ANXA8: variants seen among roughly 807,000 people sequenced by gnomAD.
The protein encoded by ANXA8 is VAC-beta.
In ANXA8, 9 loss-of-function variants were observed where a neutral mutation model predicts 26.8. The ratio of observed to expected loss-of-function variants is 0.34; its 90% CI spans 0.20 to 0.59. ANXA8 has a LOEUF of 0.59. Among genes scored for constraint, ANXA8 ranks in the 20% least tolerant of loss-of-function variants. The pLI is 0.84. For synonymous variants in ANXA8, 39 were observed against 94.8 expected (o/e 0.41, Z 3.42); for missense variants, 83 against 238.5 (o/e 0.35, Z 4.29).
At chr10:47,944,675 C>T in the ANXA8 span, among the ~76,000 whole-genome samples, 1 of 150,702 alleles carries the variant, frequency 6.6e-6, no homozygotes, top group Non-Finnish European at 1.5e-5. Flanking sequence ...TGCACATGCT[C>T]TCTTTTGCCT....
the ANXA8 span, among the ~76,000 whole-genome samples, chr10:47,743,399 T>A: frequency 5.4e-3 from 563 of 104,874 alleles, no homozygotes; most frequent in African/African-American, 0.016. Flanking sequence ...TGTGTGTGTG[T>A]GTGTGTGAGA....
chr10:47,729,304 G>A, the ANXA8 span, among the ~76,000 whole-genome samples: 1 of 134,810 alleles, frequency 7.4e-6, no homozygotes, highest in Admixed American at 7.8e-5. Flanking sequence ...AAAAGTTATT[G>A]TAGAGAATTA....
At chr10:47,485,155 G>A (rs1159033887), upstream of ANXA8, among the ~76,000 whole-genome samples, 2 of 152,002 alleles carry the variant, frequency 1.3e-5, no homozygotes, top group African/African-American at 4.8e-5. Flanking sequence ...CATATTGTAC[G>A]CCAAACCTAA....
At chr10:47,517,395 C>T in the ANXA8 span, among the ~76,000 whole-genome samples, 1 of 119,132 alleles carries the variant, frequency 8.4e-6, no homozygotes, top group East Asian at 3.3e-4. Flanking sequence ...GCCTCAGCCT[C>T]CTGACTAGCT....
the ANXA8 span, among the ~76,000 whole-genome samples, chr10:47,739,027 G>T: frequency 6.7e-6 from 1 of 150,310 alleles, no homozygotes; most frequent in Non-Finnish European, 1.5e-5. Context: ...CTCTTCTCCA[G>T]AGCATGTCCA....
the ANXA8 span, chr10:47,987,031 G>A: frequency 1.8e-6 from 1 of 541,466 alleles, no homozygotes; most frequent in Non-Finnish European, 3.6e-6. Flanking sequence ...GGGCCGTCCG[G>A]GGAGCACAGG....
chr10:47,552,717 G>C, the ANXA8 span, among the ~76,000 whole-genome samples: 153 of 152,012 alleles, frequency 1.0e-3, 1 homozygote, highest in African/African-American at 3.4e-3. Context: ...ATATCGGGCT[G>C]CATAAAATCT....
At chr10:47,573,369 CA>C in the ANXA8 span, among the ~76,000 whole-genome samples, 12 of 149,498 alleles carry the variant, frequency 8.0e-5, no homozygotes, top group African/African-American at 2.3e-4. Flanking sequence ...GGGCTCGAGC[CA>C]TCCTCCTGCC....
At chr10:47,659,934 T>G in the ANXA8 span, among the ~76,000 whole-genome samples, 1 of 150,382 alleles carries the variant, frequency 6.6e-6, no homozygotes, top group African/African-American at 2.5e-5. Flanking sequence ...TTTTTCTATT[T>G]TTAGTAGAGA....
chr10:47,727,585 C>T, the ANXA8 span, among the ~76,000 whole-genome samples: 1 of 137,144 alleles, frequency 7.3e-6, no homozygotes, highest in African/African-American at 2.6e-5. Context: ...TGGAAACAGG[C>T]ATGCCTCTTC....
chr10:47,533,224 C>CAGA, the ANXA8 span, among the ~76,000 whole-genome samples: 1 of 133,088 alleles, frequency 7.5e-6, no homozygotes, highest in Non-Finnish European at 1.6e-5. Flanking sequence ...CACACACACA[C>CAGA]CCCCGCAGAC....
At chr10:47,949,473 C>T in the ANXA8 span, among the ~76,000 whole-genome samples, 282 of 149,848 alleles carry the variant, frequency 1.9e-3, 1 homozygote, top group African/African-American at 6.6e-3. Flanking sequence ...GGATGAAAAA[C>T]ACTTAATGGT....
At chr10:47,735,333 G>T in the ANXA8 span, among the ~76,000 whole-genome samples, 13 of 144,664 alleles carry the variant, frequency 9.0e-5, no homozygotes, top group African/African-American at 1.8e-4. Context: ...GGGCTCAACC[G>T]ACCCTCTTGC....
the ANXA8 span, chr10:47,690,924 T>C: frequency 6.2e-7 from 1 of 1,611,214 alleles, no homozygotes; most frequent in Non-Finnish European, 8.5e-7. Context: ...AGTTGATTTC[T>C]AATGGAGGAG....
chr10:47,679,547 C>T, the ANXA8 span, among the ~76,000 whole-genome samples: 1 of 151,892 alleles, frequency 6.6e-6, no homozygotes, highest in African/African-American at 2.4e-5. Context: ...CTCACGAGGT[C>T]AAGGCTGCGG....
chr10:47,743,263 T>TATATATATATACAC, the ANXA8 span, among the ~76,000 whole-genome samples: 1 of 116,254 alleles, frequency 8.6e-6, no homozygotes, highest in East Asian at 2.5e-4. Flanking sequence ...TATATATATA[T>TATATATATATACAC]ACATATATAT....
chr10:47,653,577 C>T, the ANXA8 span, among the ~76,000 whole-genome samples: 14 of 150,382 alleles, frequency 9.3e-5, no homozygotes, highest in Non-Finnish European at 1.6e-4. Context: ...AATGGGGTTT[C>T]CAAGTGGAGA....
At chr10:47,937,841 G>A in the ANXA8 span, among the ~76,000 whole-genome samples, 2 of 146,854 alleles carry the variant, frequency 1.4e-5, no homozygotes, top group East Asian at 4.0e-4. Flanking sequence ...ACATGTTCCT[G>A]TAAAGGACAT....
the ANXA8 span, among the ~76,000 whole-genome samples, chr10:47,693,685 A>G: frequency 6.6e-6 from 1 of 151,728 alleles, no homozygotes; most frequent in African/African-American, 2.4e-5. Context: ...TATTATTTAT[A>G]TGTGATTATA....
Sources: gnomAD v4.1 joint callset for allele counts (sites outside exome capture counted in the v4.1 genomes callset) on GRCh38, gnomAD v4.1.1 for gene constraint, MANE v1.5 for transcripts, NCBI Gene and HGNC (gene_info 2026-07-23, HGNC 2026-07-21) for gene names.